Variants in SLC35A3 observed in about 807,000 individuals in gnomAD.
SLC35A3 encodes the protein solute carrier family 35 member A3, also known as UDP-N-acetylglucosamine transporter.
In SLC35A3, 26 loss-of-function variants were observed where a neutral mutation model predicts 39.0. That is an observed-to-expected ratio of 0.67 (90% CI 0.49 to 0.92). SLC35A3 has a LOEUF of 0.92. Ranked by LOEUF, SLC35A3 falls within the 40% of genes least tolerant of loss-of-function variation. The probability of loss-of-function intolerance (pLI) is 0.00; values close to 1 mark genes in which losing one functional copy is unlikely to be tolerated. For missense variants in SLC35A3, 299 were observed against 371.6 expected, an observed-to-expected ratio of 0.80 and a Z score of 1.61; for synonymous variants, 135 against 133.1, an observed-to-expected ratio of 1.01 and a Z score of -0.10.
rs1490517888 is a variant in SLC35A3 at position 100,023,470 on chromosome 1, T to C, written c.*994T>C. The C allele has an allele frequency of 6.6e-6, 1 of 152,242 alleles. No individual in the cohort carries two copies. Among genetic ancestry groups the C allele is most frequent in the Non-Finnish European group, 1.5e-5 (1 of 68,048 alleles). The allele number at this position is 152,242 out of a possible 1,614,324, so 9.4% of individuals were successfully genotyped here. A position where few individuals can be genotyped will look rare whatever the true frequency, so the allele number is the denominator to read the frequency against. On this transcript the variant is annotated 3_prime_UTR_variant, in exon 8 of 8. Coordinates refer to ENST00000533028, the MANE Select transcript of SLC35A3 (RefSeq NM_012243.3). Reference sequence around the variant, plus strand: ...TTACTCATTGATCTGTAAAAACTTCTTTAATCTACAACTGTTTACAAAAAC... The same window carrying C: ...TTACTCATTGATCTGTAAAAACTTCCTTAATCTACAACTGTTTACAAAAAC...
At chr1:99,988,597 T>TCTTCCTTCC (rs1263153611) in intron 1 of SLC35A3, among the ~76,000 whole-genome samples, 1 of 152,036 alleles carries the variant, frequency 6.6e-6, no homozygotes, top group Middle Eastern at 3.4e-3. Context: ...TTCTTCCTTC[T>TCTTCCTTCC]CTTCCTTCCC....
intron 2 of SLC35A3, among the ~76,000 whole-genome samples, chr1:99,997,241 A>C (rs1244307355): frequency 6.6e-6 from 1 of 151,768 alleles, no homozygotes; most frequent in Non-Finnish European, 1.5e-5. Flanking sequence ...AGAACCAAGA[A>C]GATACCTGCT....
At chr1:99,970,512 C>T (rs375950700) in intron 1 of SLC35A3, 2 of 1,518,024 alleles carry the variant, frequency 1.3e-6, no homozygotes, top group Non-Finnish European at 1.8e-6. Context: ...CGGCTGGGGC[C>T]CGTCATTCCT....
chr1:99,982,872 G>A (rs1433231121), intron 1 of SLC35A3, among the ~76,000 whole-genome samples: 1 of 151,164 alleles, frequency 6.6e-6, no homozygotes, highest in Admixed American at 6.6e-5. Context: ...AAAATTTAGA[G>A]GAGAATTAGT....
intron 3 of SLC35A3, among the ~76,000 whole-genome samples, chr1:100,006,232 C>G (rs567648152): frequency 6.6e-6 from 1 of 152,056 alleles, no homozygotes; most frequent in East Asian, 1.9e-4. Context: ...CAGTGGTGGA[C>G]CAGGTATGCT....
Position 100,028,357 on chromosome 1 carries a change from C to T in SLC35A3, c.*5881C>T, listed in dbSNP as rs1453461746. 1 of 152,508 alleles carries T rather than the reference C, an allele frequency of 6.6e-6. No individual in the cohort carries two copies. Among genetic ancestry groups the T allele is most frequent in the Admixed American group, 6.6e-5 (1 of 15,252 alleles). 9.4% of individuals were successfully genotyped at this position (152,508 alleles called of 1,614,324 possible). A position where few individuals can be genotyped will look rare whatever the true frequency, so the allele number is the denominator to read the frequency against. ...TTTGTTTTTGAGACAAGGTCTTCCT[C>T]CCGTTGCCTAGGCTGGAGTGCGGTG... is the stretch of plus-strand genomic sequence containing the variant. On this transcript the variant is annotated 3_prime_UTR_variant, in exon 8 of 8. Transcript: ENST00000533028.
At position 100,024,150 on chromosome 1, in the gene SLC35A3, G is replaced by A. The variant is rs1432189879; in HGVS notation, c.*1674G>A. On this transcript the variant is annotated 3_prime_UTR_variant, in exon 8 of 8. Transcript: ENST00000533028. The stretch of plus-strand genomic sequence containing the variant: ...AATAAGTTGATTCAAGAGAGAGAGA[G>A]TATATTAGAAATGGTAAGATGATTT... The A allele has an allele frequency of 6.6e-6, 1 of 152,070 alleles. No individual in the cohort carries two copies. The highest frequency in any genetic ancestry group is 6.6e-5 in the Admixed American group (1 of 15,258). The allele number at this position is 152,070 out of a possible 1,614,324, so 9.4% of individuals were successfully genotyped here. A position where few individuals can be genotyped will look rare whatever the true frequency, so the allele number is the denominator to read the frequency against.
In SLC35A3 at chr1:100,033,010, T is replaced by A. The variant is rs979925451; in HGVS notation, c.*10534T>A. On this transcript the variant is annotated 3_prime_UTR_variant, in exon 8 of 8. Transcript: ENST00000533028. ...TTAAGGGGAGTGGGATTTATTTAAT[T>A]TTTTCTTTGGAGTCCTTCTAGCCAG... 1 of 152,188 alleles carries A rather than the reference T, an allele frequency of 6.6e-6. No individual in the cohort carries two copies. The highest frequency in any genetic ancestry group is 1.5e-5 in the Non-Finnish European group (1 of 68,036). The allele number at this position is 152,188 out of a possible 1,614,324, so 9.4% of individuals were successfully genotyped here.
intron 4 of SLC35A3, chr1:100,008,406 G>C (rs1659393739): frequency 6.6e-6 from 1 of 152,152 alleles, no homozygotes; most frequent in Non-Finnish European, 1.5e-5. Flanking sequence ...AGTTCAGGTG[G>C]AACATAAGTT....
chr1:100,003,027 G>A (rs1570602714), intron 3 of SLC35A3, among the ~76,000 whole-genome samples: 1 of 152,076 alleles, frequency 6.6e-6, no homozygotes, highest in Non-Finnish European at 1.5e-5. Flanking sequence ...ATTTGTTGAT[G>A]TAGGCATTTA....
rs1208291511 is a variant in SLC35A3 at position 100,025,088 on chromosome 1, A to G, written c.*2612A>G. Reference sequence around the variant, plus strand: ...CAAGCAAACTTTCTGGATGCCCAACATGATTTTCAGTAACCACCCTTTAGA... The same window carrying G: ...CAAGCAAACTTTCTGGATGCCCAACGTGATTTTCAGTAACCACCCTTTAGA... On this transcript the variant is annotated 3_prime_UTR_variant, in exon 8 of 8. Coordinates refer to ENST00000533028, the MANE Select transcript of SLC35A3 (RefSeq NM_012243.3). 5.9e-6 allele frequency: 1 copy of G among 169,626 alleles called. No individual in the cohort carries two copies. Among genetic ancestry groups the G allele is most frequent in the Non-Finnish European group, 1.2e-5 (1 of 80,118 alleles). The allele number at this position is 169,626 out of a possible 1,614,324, so 10.5% of individuals were successfully genotyped here.
At chr1:100,001,224 G>A (rs1478932295) in intron 3 of SLC35A3, among the ~76,000 whole-genome samples, 1 of 151,994 alleles carries the variant, frequency 6.6e-6, no homozygotes, top group African/African-American at 2.4e-5. Flanking sequence ...TTTTAGGATT[G>A]TTTTTTCTGT....
intron 2 of SLC35A3, among the ~76,000 whole-genome samples, chr1:99,998,012 T>C (rs1177630998): frequency 6.6e-6 from 1 of 152,180 alleles, no homozygotes; most frequent in African/African-American, 2.4e-5. Context: ...GACCCATTAG[T>C]GGCACCACTT....
intron 6 of SLC35A3, 80 bp from the exon 7 acceptor site, chr1:100,017,602 A>AAAGCTTT: frequency 2.3e-6 from 2 of 864,992 alleles, no homozygotes; most frequent in Non-Finnish European, 3.4e-6. Context: ...ACAAAAGCTT[A>AAAGCTTT]AAGCTTTATT....
At chr1:100,011,331 A>G (rs1463924072) in intron 4 of SLC35A3, 34 bp from the exon 5 acceptor site, 10 of 1,227,792 alleles carry the variant, frequency 8.1e-6, no homozygotes, top group Non-Finnish European at 1.1e-5. Flanking sequence ...TGTTATGGAA[A>G]TTAAACTTCA....
chr1:100,017,902 G>A (rs1384721620), intron 7 of SLC35A3, 87 bp downstream of exon 7: 1 of 681,960 alleles, frequency 1.5e-6, no homozygotes, highest in Non-Finnish European at 2.4e-6. Flanking sequence ...TAAATTTGAA[G>A]AAGCACTGAA....
chr1:100,031,670 A>G lies in SLC35A3; in HGVS notation c.*9194A>G, dbSNP rs1011147520. 1 of 152,222 alleles carries G rather than the reference A, an allele frequency of 6.6e-6. No individual in the cohort carries two copies. Among genetic ancestry groups the G allele is most frequent in the Non-Finnish European group, 1.5e-5 (1 of 68,050 alleles). The allele number at this position is 152,222 out of a possible 1,614,324, so 9.4% of individuals were successfully genotyped here. On this transcript the variant is annotated 3_prime_UTR_variant, in exon 8 of 8. Transcript: ENST00000533028. ...TGCATTTGGCTGAAAAAAAATCTGC[A>G]TATAAGTGGACCCATGCAGTTCAAA...
At chr1:100,005,233 C>T (rs190902725) in intron 3 of SLC35A3, among the ~76,000 whole-genome samples, 171 of 152,238 alleles carry the variant, frequency 1.1e-3, no homozygotes, top group Non-Finnish European at 1.4e-3. Flanking sequence ...ATGCTTGTCT[C>T]TTGCTGTTTT....
At chr1:99,970,620 TAAAG>T (rs1557814675) in intron 1 of SLC35A3, 3 of 1,536,032 alleles carry the variant, frequency 2.0e-6, no homozygotes, top group Non-Finnish European at 2.6e-6. Flanking sequence ...CGCAGGAACT[TAAAG>T]AAATGGAAAG....
Sources: allele counts gnomAD v4.1 joint callset (sites outside exome capture counted in the v4.1 genomes callset), GRCh38; gene constraint gnomAD v4.1.1; transcripts MANE v1.5; gene names NCBI Gene and HGNC (gene_info 2026-07-23, HGNC 2026-07-21).